Variants in PCDHA13 observed in about 807,000 individuals in gnomAD.
PCDHA13 encodes protocadherin alpha 13.
In PCDHA13, 54 loss-of-function variants were observed where a neutral mutation model predicts 64.8. That is an observed-to-expected ratio of 0.83 (90% CI 0.67 to 1.04). PCDHA13 has a LOEUF of 1.04. PCDHA13 is among the 50% of genes least tolerant of loss of function. PCDHA13 has a pLI of 0.00. For missense variants in PCDHA13, 1,248 were observed against 1,254.3 expected, an observed-to-expected ratio of 0.99 and a Z score of 0.08; for synonymous variants, 587 against 564.4, an observed-to-expected ratio of 1.04 and a Z score of -0.57.
chr5:140,979,573 G>T lies in PCDHA13; in HGVS notation c.2453+566G>T, dbSNP rs558232107. Among the ~76,000 whole-genome samples, 224 of 152,236 alleles carry T rather than the reference G, an allele frequency of 1.5e-3. 1 individual carries two copies. Among genetic ancestry groups the T allele is most frequent in the African/African-American group, 5.2e-3 (215 of 41,538 alleles). On this transcript the variant is annotated intron_variant, in intron 2 of 3. Transcript: ENST00000289272. ...CTTCAGAAGATGAGCCATGTAAAGG[G>T]CTCCAAATCTAGCTTACTTTAAATT...
At chr5:140,884,758 C>T in intron 1 of PCDHA13, 96 bp downstream of exon 1, 2 of 1,424,736 alleles carry the variant, frequency 1.4e-6, no homozygotes, top group Middle Eastern at 4.1e-4. Flanking sequence ...TCAAATTATT[C>T]TTTACTTTAA....
At chr5:141,000,417 A>ATTTTT (rs1563652061) in intron 3 of PCDHA13, among the ~76,000 whole-genome samples, 3 of 77,750 alleles carry the variant, frequency 3.9e-5, no homozygotes, top group Non-Finnish European at 7.0e-5. Flanking sequence ...ATATATATAT[A>ATTTTT]TATATTTTTT....
Position 140,910,416 on chromosome 5 carries a change from A to G in PCDHA13, c.2394+25754A>G, listed in dbSNP as rs191093101. Among the ~76,000 whole-genome samples, 67 of 152,280 alleles carry G rather than the reference A, an allele frequency of 4.4e-4. No individual in the cohort carries two copies. In the East Asian group the frequency reaches 0.013, roughly 28 times the overall value. ...CTGGCCCCTGCCACCTCGAGATCCAATTATTCCCATTGCATTTAAGTTTTG... is the reference window on the plus strand; with the variant it reads ...CTGGCCCCTGCCACCTCGAGATCCAGTTATTCCCATTGCATTTAAGTTTTG... On this transcript the variant is annotated intron_variant, in intron 1 of 3. Coordinates refer to ENST00000289272, the MANE Select transcript of PCDHA13 (RefSeq NM_018904.3).
At chr5:140,977,671 A>G (rs2096770792) in intron 1 of PCDHA13, among the ~76,000 whole-genome samples, 1 of 152,178 alleles carries the variant, frequency 6.6e-6, no homozygotes, top group South Asian at 2.1e-4. Flanking sequence ...CTGCATGCCA[A>G]ATATCATGTA....
At chr5:140,992,949 T>G (rs1554253294) in intron 3 of PCDHA13, among the ~76,000 whole-genome samples, 1 of 152,162 alleles carries the variant, frequency 6.6e-6, no homozygotes, top group Admixed American at 6.5e-5. Context: ...GGAGATTAAA[T>G]CACCCCTTAT....
intron 1 of PCDHA13, among the ~76,000 whole-genome samples, chr5:140,922,883 T>A (rs963654982): frequency 2.6e-5 from 4 of 152,134 alleles, no homozygotes; most frequent in Admixed American, 2.0e-4. Flanking sequence ...TCCAAAGACA[T>A]CATTCAAGAA....
At chr5:140,987,296 A>G (rs782162576) in intron 3 of PCDHA13, among the ~76,000 whole-genome samples, 1 of 152,126 alleles carries the variant, frequency 6.6e-6, no homozygotes, top group African/African-American at 2.4e-5. Context: ...CAAGCCTTCT[A>G]TGTGATACCA....
intron 3 of PCDHA13, among the ~76,000 whole-genome samples, chr5:140,986,211 C>T (rs1257937611): frequency 1.3e-5 from 2 of 152,126 alleles, no homozygotes; most frequent in African/African-American, 2.4e-5. Flanking sequence ...GATTACTGGC[C>T]CCTTTCTCTA....
In PCDHA13 at chr5:140,913,731, A is replaced by G. The variant is rs557158674; in HGVS notation, c.2394+29069A>G. ...CAATTACAGCTACAAATTTCCCTCT[A>G]ATAGTACTCCTTTTGTTGTATCTCA... On this transcript the variant is annotated intron_variant, in intron 1 of 3. Transcript: ENST00000289272. Among the ~76,000 whole-genome samples the G allele has an allele frequency of 1.8e-4, 27 of 152,194 alleles. No homozygotes were observed. The South Asian group carries it at 2.5e-3, about 14-fold the overall frequency.
intron 1 of PCDHA13, among the ~76,000 whole-genome samples, chr5:140,925,482 A>G (rs1238702660): frequency 2.0e-5 from 3 of 152,088 alleles, no homozygotes; most frequent in Admixed American, 6.6e-5. Flanking sequence ...TTCTCATAGA[A>G]CTGATCACTG....
At chr5:140,967,025 C>G (rs2153750258) in intron 1 of PCDHA13, 1 of 1,608,362 alleles carries the variant, frequency 6.2e-7, no homozygotes, top group Middle Eastern at 1.7e-4. Flanking sequence ...TGCGCCCAGT[C>G]CGCGCTACCT....
intron 1 of PCDHA13, among the ~76,000 whole-genome samples, chr5:140,932,798 T>C (rs2153613163): frequency 6.6e-6 from 1 of 151,958 alleles, no homozygotes; most frequent in Middle Eastern, 3.4e-3. Flanking sequence ...AGAAAAGCAA[T>C]ACCTTGGAAA....
chr5:140,955,492 A>G, intron 1 of PCDHA13, among the ~76,000 whole-genome samples: 1 of 152,138 alleles, frequency 6.6e-6, no homozygotes, highest in East Asian at 1.9e-4. Context: ...TCCTGCCACC[A>G]TGTGAAGAAA....
chr5:141,000,389 CTCTCTCTATATATA>C (rs1429861640), intron 3 of PCDHA13, among the ~76,000 whole-genome samples: 15 of 62,586 alleles, frequency 2.4e-4, no homozygotes, highest in African/African-American at 9.8e-4. Flanking sequence ...CTCTCTCTCT[CTCTCTCTATATATA>C]TATATATATA....
intron 1 of PCDHA13, among the ~76,000 whole-genome samples, chr5:140,952,753 A>T (rs782624078): frequency 4.6e-5 from 7 of 152,194 alleles, no homozygotes; most frequent in Non-Finnish European, 1.0e-4. Context: ...CTATAAAAAC[A>T]CCTGAGACTG....
At chr5:140,920,548 C>T (rs1222470517) in intron 1 of PCDHA13, among the ~76,000 whole-genome samples, 5 of 152,186 alleles carry the variant, frequency 3.3e-5, no homozygotes, top group Admixed American at 6.5e-5. Context: ...ATTTCACCTT[C>T]GAAGTGTGGC....
rs139745274 is a variant in PCDHA13, at chr5:140,994,788, C to T, written c.2542+12225C>T. On this transcript the variant is annotated intron_variant, in intron 3 of 3. Coordinates refer to ENST00000289272, the MANE Select transcript of PCDHA13 (RefSeq NM_018904.3). ...AGAATTCCAGGCAAAGGAAACAATG[C>T]GTGCATGCAAAAACAAAATACAAAA... Among the ~76,000 whole-genome samples, 132 of 152,194 alleles carry T rather than the reference C, an allele frequency of 8.7e-4. 2 individuals carry two copies. The East Asian group carries it at 0.024, about 28-fold the overall frequency.
chr5:140,996,372 G>A (rs898606404), intron 3 of PCDHA13, among the ~76,000 whole-genome samples: 1 of 152,180 alleles, frequency 6.6e-6, no homozygotes, highest in Non-Finnish European at 1.5e-5. Context: ...TTTTGTTGTC[G>A]GCTGAAATAA....
intron 3 of PCDHA13, among the ~76,000 whole-genome samples, chr5:140,985,246 T>C (rs2097143888): frequency 6.6e-6 from 1 of 152,110 alleles, no homozygotes; most frequent in African/African-American, 2.4e-5. Flanking sequence ...CTAATCTTCT[T>C]ACTCTTTTTT....
Sources: gnomAD v4.1 joint callset for allele counts (sites outside exome capture counted in the v4.1 genomes callset) on GRCh38, gnomAD v4.1.1 for gene constraint, MANE v1.5 for transcripts, NCBI Gene and HGNC (gene_info 2026-07-23, HGNC 2026-07-21) for gene names.